Variants in DHRSX observed in about 807,000 individuals in gnomAD.
DHRSX encodes dehydrogenase/reductase X-linked.
In DHRSX, 31 loss-of-function variants were observed where a neutral mutation model predicts 34.0. The observed-to-expected ratio is 0.91, with a 90% CI of 0.69 to 1.23. The LOEUF (loss-of-function observed/expected upper bound fraction) is 1.23. Ranked by LOEUF, DHRSX falls within the 50% of genes most tolerant of loss-of-function variation. DHRSX has a pLI of 0.00. For synonymous variants in DHRSX, 201 were observed against 183.8 expected, an observed-to-expected ratio of 1.09 and a Z score of -0.76; for missense variants, 414 against 428.1, an observed-to-expected ratio of 0.97 and a Z score of 0.29.
intron 4 of DHRSX, among the ~76,000 whole-genome samples, chrX:2,285,555 TG>T (rs200997852): frequency 0.023 from 3,509 of 152,198 alleles, 144 homozygotes; most frequent in African/African-American, 0.08. Flanking sequence ...GATGAAGCTT[TG>T]CTTGTTCACT....
At chrX:2,399,812 C>T (rs1321869490) in intron 3 of DHRSX, among the ~76,000 whole-genome samples, 1 of 150,548 alleles carries the variant, frequency 6.6e-6, no homozygotes, top group Non-Finnish European at 1.5e-5. Context: ...GTGGGAGGAT[C>T]GCCTGAGGCC....
intron 3 of DHRSX, among the ~76,000 whole-genome samples, chrX:2,383,313 C>T (rs1359950549): frequency 6.6e-6 from 1 of 151,392 alleles, no homozygotes; most frequent in Non-Finnish European, 1.5e-5. Flanking sequence ...ATCATAAACA[C>T]CATCATCACC....
rs1569478869 is a variant in DHRSX at position 2,243,797 on chromosome X, T to TGTTTTTTTTTG, written c.597-568_597-567insCAAAAAAAAAC. 1.2e-3 allele frequency among the ~76,000 whole-genome samples: 82 copies of TGTTTTTTTTTG among 67,156 alleles called. 2 individuals carry two copies. The highest frequency in any genetic ancestry group is 5.4e-3 in the African/African-American group (80 of 14,952). 44.1% of individuals were successfully genotyped at this position (67,156 alleles called of 152,430 possible). On this transcript the variant is annotated intron_variant, in intron 5 of 6. Coordinates refer to ENST00000334651, the MANE Select transcript of DHRSX (RefSeq NM_145177.3). Reference sequence around the variant, plus strand: ...AGCCACTATGCTCCCTGTTTTTTTTTTTTTTTTTTTTTTTTTTTTTTTTTT... The same window carrying TGTTTTTTTTTG: ...AGCCACTATGCTCCCTGTTTTTTTTTGTTTTTTTTTGTTTTTTTTTTTTTTTTTTTTTTTTT...
intron 1 of DHRSX, among the ~76,000 whole-genome samples, chrX:2,496,305 T>C (rs1432536270): frequency 1.3e-5 from 2 of 152,104 alleles, no homozygotes; most frequent in African/African-American, 4.8e-5. Flanking sequence ...TTCACACCAT[T>C]CTCCTGCCTC....
intron 3 of DHRSX, among the ~76,000 whole-genome samples, chrX:2,348,781 C>T (rs2042751500): frequency 1.3e-5 from 2 of 151,946 alleles, no homozygotes; most frequent in Admixed American, 6.6e-5. Context: ...GCAACCTCCG[C>T]CTCCCAGGTT....
intron 3 of DHRSX, among the ~76,000 whole-genome samples, chrX:2,340,941 C>G (rs62583720): frequency 0.77 from 117,141 of 151,982 alleles, 46,388 homozygotes; most frequent in African/African-American, 0.86. Context: ...AGCTGAGCAA[C>G]GAATATTGCC....
At chrX:2,408,869 T>C in intron 2 of DHRSX, 56 bp from the exon 3 acceptor site, 1 of 1,388,408 alleles carries the variant, frequency 7.2e-7, no homozygotes, top group South Asian at 1.3e-5. Flanking sequence ...CCAGAAACTA[T>C]TAACTGCAAA....
intron 3 of DHRSX, among the ~76,000 whole-genome samples, chrX:2,325,628 G>C (rs750391820): frequency 6.6e-6 from 1 of 152,242 alleles, no homozygotes; most frequent in Admixed American, 6.5e-5. Context: ...CAATCTCTCG[G>C]AGAGCCCCGA....
At chrX:2,296,479 C>CAGGCAGACAGGAATAGGACCCG (rs2041932935) in intron 3 of DHRSX, among the ~76,000 whole-genome samples, 2 of 151,498 alleles carry the variant, frequency 1.3e-5, no homozygotes, top group African/African-American at 4.9e-5. Flanking sequence ...GAATAGGACC[C>CAGGCAGACAGGAATAGGACCCG]AGGCAGATAG....
At chrX:2,263,518 T>C (rs867085378) in intron 5 of DHRSX, among the ~76,000 whole-genome samples, 160 of 151,082 alleles carry the variant, frequency 1.1e-3, no homozygotes, top group African/African-American at 3.8e-3. Context: ...CTTTCTTTTT[T>C]TTTTTTTTTT....
intron 6 of DHRSX, among the ~76,000 whole-genome samples, chrX:2,228,726 C>T (rs1349747960): frequency 2.0e-5 from 3 of 151,988 alleles, no homozygotes; most frequent in Non-Finnish European, 4.4e-5. Flanking sequence ...ATTCAAACCA[C>T]GATTTCCTTT....
chrX:2,313,011 T>A (rs886398583), intron 3 of DHRSX, among the ~76,000 whole-genome samples: 34 of 151,912 alleles, frequency 2.2e-4, no homozygotes, highest in African/African-American at 8.2e-4. Context: ...TATATATTTT[T>A]TTTTTTTTGA....
chrX:2,269,225 G>C (rs1016994844), intron 4 of DHRSX, among the ~76,000 whole-genome samples: 30 of 152,264 alleles, frequency 2.0e-4, no homozygotes, highest in African/African-American at 6.3e-4. Context: ...CTATGCATAT[G>C]CATTTGTATA....
chrX:2,445,813 G>T (rs1374974570), intron 1 of DHRSX, among the ~76,000 whole-genome samples: 1 of 151,384 alleles, frequency 6.6e-6, no homozygotes, highest in Non-Finnish European at 1.5e-5. Context: ...CTAGGCATGT[G>T]GCCAAGGGAC....
At chrX:2,225,114 GCA>G (rs778900805) in intron 6 of DHRSX, among the ~76,000 whole-genome samples, 83 of 143,028 alleles carry the variant, frequency 5.8e-4, no homozygotes, top group Middle Eastern at 5.6e-3. Context: ...TCACACACAT[GCA>G]CACACTCATT....
intron 3 of DHRSX, among the ~76,000 whole-genome samples, chrX:2,372,548 T>C (rs757910478): frequency 6.6e-6 from 1 of 151,894 alleles, no homozygotes; most frequent in East Asian, 1.9e-4. Context: ...CCCTAGAGCA[T>C]CCAGCATGTT....
intron 5 of DHRSX, among the ~76,000 whole-genome samples, chrX:2,264,737 C>T (rs1180673260): frequency 3.3e-5 from 5 of 149,916 alleles, no homozygotes; most frequent in Non-Finnish European, 5.9e-5. Flanking sequence ...ACACCTGTGC[C>T]CAGCAGACAC....
intron 3 of DHRSX, among the ~76,000 whole-genome samples, chrX:2,320,724 A>C (rs2042300958): frequency 6.6e-6 from 1 of 151,246 alleles, no homozygotes; most frequent in African/African-American, 2.4e-5. Context: ...TGTACAGTTG[A>C]AAGTCAACAA....
At chrX:2,429,325 T>A (rs1335946699) in intron 1 of DHRSX, among the ~76,000 whole-genome samples, 1 of 152,052 alleles carries the variant, frequency 6.6e-6, no homozygotes, top group Non-Finnish European at 1.5e-5. Context: ...TGTGTGTGGG[T>A]GTGTCTGTGT....
Sources: allele counts gnomAD v4.1 joint callset (sites outside exome capture counted in the v4.1 genomes callset), GRCh38; gene constraint gnomAD v4.1.1; transcripts MANE v1.5; gene names NCBI Gene and HGNC (gene_info 2026-07-23, HGNC 2026-07-21).